The following DAPK2 variants were observed in gnomAD, a reference collection of about 807,000 sequenced individuals.
DAPK2 encodes the protein death associated protein kinase 2.
Under a neutral mutation model 44.1 loss-of-function variants are expected in DAPK2, and 35 were observed. The observed-to-expected ratio is 0.79, with a 90% confidence interval of 0.61 to 1.05. The LOEUF is 1.05. DAPK2 is among the 50% of genes least tolerant of loss of function. The probability of loss-of-function intolerance (pLI) is 0.00; values close to 1 mark genes in which losing one functional copy is unlikely to be tolerated. For synonymous variants in DAPK2, 174 were observed against 182.6 expected, an observed-to-expected ratio of 0.95 and a Z score of 0.38; for missense variants, 453 against 483.2, an observed-to-expected ratio of 0.94 and a Z score of 0.59.
intron 2 of DAPK2, among the ~76,000 whole-genome samples, chr15:63,975,247 G>A (rs1595834294): frequency 6.6e-6 from 1 of 152,144 alleles, no homozygotes; most frequent in African/African-American, 2.4e-5. Context: ...TGGAGAACTT[G>A]TTTTAAAATG....
At chr15:63,935,570 G>C (rs1321252661) in intron 4 of DAPK2, 1 of 151,962 alleles carries the variant, frequency 6.6e-6, no homozygotes, top group African/African-American at 2.4e-5. Flanking sequence ...GCTTTGTCTT[G>C]GTACCCTTCA....
chr15:63,983,725 C>T lies in DAPK2; in HGVS notation c.122G>A (p.Arg41Gln), dbSNP rs145891572. ...ATACTCAAGCCCCGTGCTCTTCTCC[C>T]GGCACTTCTTCACGATGGCAAACTG... The change falls in exon 2 of 11, where the codon CGG (arginine) becomes CAG (glutamine). Residue 41 changes from arginine (R) to glutamine (Q), a missense_variant. Transcript: ENST00000261891. 172 of 1,612,714 alleles carry T rather than the reference C, an allele frequency of 1.1e-4. 1 individual carries two copies. In the African/African-American group the frequency reaches 1.3e-3, roughly 12 times the overall value.
intron 3 of DAPK2, among the ~76,000 whole-genome samples, chr15:63,957,879 G>A (rs942187736): frequency 2.0e-5 from 3 of 152,124 alleles, no homozygotes; most frequent in African/African-American, 7.2e-5. Flanking sequence ...CCCAGTAATG[G>A]TATGGCTGGG....
chr15:64,000,177 T>C (rs58126219), intron 1 of DAPK2, among the ~76,000 whole-genome samples: 5,947 of 127,468 alleles, frequency 0.047, 349 homozygotes, highest in African/African-American at 0.16. Flanking sequence ...CTACTACTAC[T>C]ACTACTACTA....
chr15:64,009,185 C>T (rs7169146), intron 1 of DAPK2, among the ~76,000 whole-genome samples: 35,009 of 151,982 alleles, frequency 0.23, 5,300 homozygotes, highest in East Asian at 0.77. Context: ...GCACCAACTA[C>T]AGTGGATACA....
At position 63,916,699 on chromosome 15, in the gene DAPK2, C is replaced by G. The variant is rs557489443; in HGVS notation, c.859-4502G>C. On this transcript the variant is annotated intron_variant, in intron 8 of 10. Transcript: ENST00000261891. This position sits in a 1 kb window ranked among gnomAD's most constrained non-coding sequence, Gnocchi z 4.7. ...AAGGCTGCCCCCTACAGTGAACAAG[C>G]CAGTGGAAGGAGGCAGAAACATTCC... 6.6e-6 allele frequency: 1 copy of G among 152,362 alleles called. No individual in the cohort carries two copies. Among genetic ancestry groups the G allele is most frequent in the South Asian group, 2.1e-4 (1 of 4,832 alleles). 9.4% of individuals were successfully genotyped at this position (152,362 alleles called of 1,614,324 possible). A position where few individuals can be genotyped will look rare whatever the true frequency, so the allele number is the denominator to read the frequency against.
At chr15:63,951,834 G>A (rs76774161) in intron 3 of DAPK2, among the ~76,000 whole-genome samples, 4,301 of 152,280 alleles carry the variant, frequency 0.028, 93 homozygotes, top group African/African-American at 0.06. Context: ...TTTCACTAAC[G>A]CATTCACTCA....
chr15:63,960,438 A>T (rs1186830016), intron 3 of DAPK2, among the ~76,000 whole-genome samples: 1 of 151,934 alleles, frequency 6.6e-6, no homozygotes, highest in Non-Finnish European at 1.5e-5. Flanking sequence ...TTTAATTGTG[A>T]TGTTAGGGTG....
intron 1 of DAPK2, among the ~76,000 whole-genome samples, chr15:64,008,809 C>G (rs2079308264): frequency 6.6e-6 from 1 of 152,120 alleles, no homozygotes; most frequent in Admixed American, 6.5e-5. Flanking sequence ...TGAGAAGAAA[C>G]ACCTGCATAG....
chr15:64,010,170 A>C (rs2079351178), intron 1 of DAPK2, among the ~76,000 whole-genome samples: 2 of 152,180 alleles, frequency 1.3e-5, no homozygotes, highest in South Asian at 4.1e-4. Context: ...CCACAGAGTC[A>C]GGAACTCTGG....
upstream of DAPK2, among the ~76,000 whole-genome samples, chr15:64,045,157 G>T (rs1595934235): frequency 6.6e-6 from 1 of 152,096 alleles, no homozygotes; most frequent in East Asian, 1.9e-4. Context: ...GGTCAGTGCG[G>T]GTCTCATTCC....
intron 1 of DAPK2, among the ~76,000 whole-genome samples, chr15:64,032,613 G>A (rs1330383138): frequency 6.6e-6 from 1 of 152,174 alleles, no homozygotes; most frequent in East Asian, 1.9e-4. Flanking sequence ...CAGGAAGTCT[G>A]TGGGTATGAA....
chr15:64,030,187 C>T (rs1454184196), intron 1 of DAPK2, among the ~76,000 whole-genome samples: 4 of 152,026 alleles, frequency 2.6e-5, no homozygotes, highest in Non-Finnish European at 5.9e-5. Context: ...ACTGGGGAGG[C>T]TGAGGCAGGA....
chr15:64,004,301 C>T (rs943646862), intron 1 of DAPK2, among the ~76,000 whole-genome samples: 1 of 152,116 alleles, frequency 6.6e-6, no homozygotes, highest in African/African-American at 2.4e-5. Context: ...TGATCAGATT[C>T]AGGTTTGAGT....
At chr15:63,910,295 T>C (rs2078753955) in intron 10 of DAPK2, among the ~76,000 whole-genome samples, 1 of 152,168 alleles carries the variant, frequency 6.6e-6, no homozygotes, top group Non-Finnish European at 1.5e-5. Flanking sequence ...CCAGGCTGTG[T>C]GGAGGGAGTG....
intron 3 of DAPK2, among the ~76,000 whole-genome samples, chr15:63,952,485 C>T (rs1273070607): frequency 1.3e-5 from 2 of 151,808 alleles, no homozygotes; most frequent in Non-Finnish European, 2.9e-5. Context: ...TCTTGTTGCC[C>T]GGGGCTAGGT....
chr15:63,923,431 G>A lies in DAPK2; in HGVS notation c.858+1385C>T. ...CAAAGGGTAGGCAGAAGGCACACAA[G>A]CGGCCTCTGGCATTCACTGCATGCG... On this transcript the variant is annotated intron_variant, in intron 8 of 10. Transcript: ENST00000261891. The surrounding 1 kb of genome is among the most constrained non-coding windows in gnomAD (Gnocchi z 4.2). 1 of 1,473,664 alleles carries A rather than the reference G, an allele frequency of 6.8e-7. No homozygotes were observed. Among genetic ancestry groups the A allele is most frequent in the Non-Finnish European group, 9.0e-7 (1 of 1,115,902 alleles). The allele number at this position is 1,473,664 out of a possible 1,614,324, so 91.3% of individuals were successfully genotyped here. A position where few individuals can be genotyped will look rare whatever the true frequency, so the allele number is the denominator to read the frequency against.
chr15:63,915,695 G>A (rs1235703379), intron 8 of DAPK2, among the ~76,000 whole-genome samples: 1 of 152,182 alleles, frequency 6.6e-6, no homozygotes, highest in East Asian at 1.9e-4. Context: ...ATTAATGGGA[G>A]GTGATGCAAT....
chr15:64,033,438 A>T lies in DAPK2; in HGVS notation c.92+6732T>A, dbSNP rs192768926. ...ACGGCACCTGGCCTTAAATTTATTA[A>T]TTTAAAAAACCATTGACCCAAAATA... On this transcript the variant is annotated intron_variant, in intron 1 of 10. Transcript: ENST00000261891. Among the ~76,000 whole-genome samples, 703 of 152,232 alleles carry T rather than the reference A, an allele frequency of 4.6e-3. 3 individuals carry two copies. The highest frequency in any genetic ancestry group is 0.027 in the Middle Eastern group (8 of 294).
Sources: allele counts gnomAD v4.1 joint callset (sites outside exome capture counted in the v4.1 genomes callset), GRCh38; gene constraint gnomAD v4.1.1; non-coding constraint Gnocchi (gnomAD v3.1); transcripts MANE v1.5; gene names NCBI Gene and HGNC (gene_info 2026-07-23, HGNC 2026-07-21).